EMC2: variants seen among roughly 807,000 people sequenced by gnomAD.
The protein encoded by EMC2 is TPR repeat protein 35.
A neutral mutation model predicts 51.6 loss-of-function variants in EMC2; 37 were observed. The ratio of observed to expected loss-of-function variants is 0.72; its 90% confidence interval spans 0.55 to 0.94. EMC2 has a LOEUF of 0.94. Ranked by LOEUF, EMC2 falls within the 40% of genes least tolerant of loss-of-function variation. EMC2 has a pLI of 0.00. For missense variants in EMC2, 359 were observed against 350.9 expected, an observed-to-expected ratio of 1.02 and a Z score of -0.18; for synonymous variants, 131 against 112.4, an observed-to-expected ratio of 1.17 and a Z score of -1.04.
chr8:108,486,531 A>G lies in EMC2; in HGVS notation c.827A>G (p.Lys276Arg). The G allele has an allele frequency of 4.4e-6, 7 of 1,591,436 alleles. No homozygotes were observed. Among genetic ancestry groups the G allele is most frequent in the Non-Finnish European group, 6.0e-6 (7 of 1,170,384 alleles). Residue 276 changes from lysine to arginine, a missense_variant, in exon 11 of 11, where the codon AAG (lysine) becomes AGG (arginine). Coordinates refer to ENST00000220853, the MANE Select transcript of EMC2 (RefSeq NM_014673.5). ...AATTAGTTTGCAGGTCGAAGTAAGA[A>G]GGAAACCAAATATTCTCTTAAGGCT... ...RAYQFAGRSK[K>R]ETKYSLKAVE...
chr8:108,446,525 A>G (rs1372389465), intron 1 of EMC2, among the ~76,000 whole-genome samples: 1 of 152,194 alleles, frequency 6.6e-6, no homozygotes, highest in Non-Finnish European at 1.5e-5. Flanking sequence ...AAAACAATCC[A>G]CAGGACTTAG....
At chr8:108,470,218 GA>G in intron 7 of EMC2, 97 bp downstream of exon 7, 1 of 737,840 alleles carries the variant, frequency 1.4e-6, no homozygotes, top group Non-Finnish European at 2.3e-6. Flanking sequence ...GAGAGGGTGT[GA>G]ATCATGTCAT....
intron 4 of EMC2, 35 bp downstream of exon 4, chr8:108,453,182 C>T (rs1252044602): frequency 3.9e-6 from 5 of 1,275,644 alleles, no homozygotes; most frequent in Admixed American, 2.2e-5. Flanking sequence ...GGCATGGAGC[C>T]TGTTAATCAT....
At chr8:108,486,419 A>G in intron 10 of EMC2, 93 bp from the exon 11 acceptor site, 3 of 1,390,576 alleles carry the variant, frequency 2.2e-6, no homozygotes, top group East Asian at 2.6e-5. Flanking sequence ...AAAATAGTCA[A>G]TGTTAAGTTT....
At chr8:108,449,985 C>T (rs370324986) in intron 2 of EMC2, 49 bp downstream of exon 2, 46 of 626,496 alleles carry the variant, frequency 7.3e-5, no homozygotes, top group Non-Finnish European at 1.0e-4. Flanking sequence ...CATTCATGGG[C>T]CTTTTTTTTT....
intron 2 of EMC2, among the ~76,000 whole-genome samples, 158 bp from the exon 3 acceptor site, chr8:108,450,268 CAT>C (rs1379842027): frequency 6.6e-6 from 1 of 152,094 alleles, no homozygotes; most frequent in Non-Finnish European, 1.5e-5. Context: ...ACTGCTGAAA[CAT>C]GTAAGAATGC....
intron 10 of EMC2, among the ~76,000 whole-genome samples, chr8:108,479,785 C>A (rs942984232): frequency 6.6e-6 from 1 of 152,046 alleles, no homozygotes; most frequent in East Asian, 1.9e-4. Context: ...TTAATATAGA[C>A]GAGATCTTGC....
intron 7 of EMC2, among the ~76,000 whole-genome samples, chr8:108,471,711 C>G (rs1810860216): frequency 6.6e-6 from 1 of 151,668 alleles, no homozygotes; most frequent in African/African-American, 2.4e-5. Context: ...AACGAGTTTC[C>G]TAGGGAGATA....
chr8:108,452,683 C>G (rs914688330), intron 3 of EMC2, among the ~76,000 whole-genome samples: 1 of 152,104 alleles, frequency 6.6e-6, no homozygotes, highest in African/African-American at 2.4e-5. Context: ...TAGTTCTTAC[C>G]AGGAGAATGC....
intron 5 of EMC2, among the ~76,000 whole-genome samples, chr8:108,461,033 G>C (rs767972463): frequency 1.5e-4 from 23 of 152,170 alleles, no homozygotes; most frequent in Non-Finnish European, 1.3e-4. Flanking sequence ...AAAAGACCTA[G>C]AACTAATAAA....
At chr8:108,463,756 TC>T (rs1819391985) in intron 5 of EMC2, among the ~76,000 whole-genome samples, 1 of 152,086 alleles carries the variant, frequency 6.6e-6, no homozygotes, top group South Asian at 2.1e-4. Flanking sequence ...TTAGAGCCAC[TC>T]TATCTTCAGA....
chr8:108,462,578 A>G (rs2130370062), intron 5 of EMC2, among the ~76,000 whole-genome samples: 1 of 152,228 alleles, frequency 6.6e-6, no homozygotes, highest in Non-Finnish European at 1.5e-5. Flanking sequence ...CTTTTTATTC[A>G]TCTGTACCCA....
At chr8:108,474,050 A>G (rs1400036074) in intron 7 of EMC2, 1 of 152,028 alleles carries the variant, frequency 6.6e-6, no homozygotes, top group Non-Finnish European at 1.5e-5. Context: ...CTCTAATTTT[A>G]TTTAATTCTA....
At chr8:108,472,064 T>A (rs1055808266) in intron 7 of EMC2, among the ~76,000 whole-genome samples, 1 of 152,046 alleles carries the variant, frequency 6.6e-6, no homozygotes, top group Non-Finnish European at 1.5e-5. Flanking sequence ...GTTATATGCT[T>A]TTTAAATACT....
intron 10 of EMC2, among the ~76,000 whole-genome samples, chr8:108,484,167 T>C (rs527427024): frequency 6.6e-6 from 1 of 152,246 alleles, no homozygotes; most frequent in South Asian, 2.1e-4. Flanking sequence ...TCCTTCTTTG[T>C]TGCACTGGTA....
chr8:108,456,903 C>T (rs751546240), intron 5 of EMC2, among the ~76,000 whole-genome samples: 1 of 152,008 alleles, frequency 6.6e-6, no homozygotes, highest in African/African-American at 2.4e-5. Context: ...AAACAAAAAC[C>T]AGGTTGAGTT....
At chr8:108,443,777 G>A (rs1818809193) in intron 1 of EMC2, 79 bp downstream of exon 1, 5 of 1,309,932 alleles carry the variant, frequency 3.8e-6, no homozygotes, top group Non-Finnish European at 5.4e-6. Context: ...CTTTCGGGGA[G>A]CTGGGTTCTC....
rs1381769340 is a variant in EMC2 at position 108,479,065 on chromosome 8, G to A, written c.762G>A (p.Met254Ile). 2 of 1,590,606 alleles carry A rather than the reference G, an allele frequency of 1.3e-6. No individual in the cohort carries two copies. Among genetic ancestry groups the A allele is most frequent in the East Asian group, 4.6e-5 (2 of 43,488 alleles). The change falls in exon 10 of 11, where the codon ATG becomes ATA. Residue 254 changes from methionine to isoleucine, a missense_variant. Met to Ile is a conservative substitution (Grantham distance 10). Transcript: ENST00000220853. ...KASAKTKKDN[M>I]KYASWAASQI... is the part of the protein sequence containing the mutation. Reference sequence around the variant, plus strand: ...GTGCAAAAACGAAAAAGGACAACATGAAATATGCTAGTTGGGCAGCTAGTC... The same window carrying A: ...GTGCAAAAACGAAAAAGGACAACATAAAATATGCTAGTTGGGCAGCTAGTC...
In EMC2 at chr8:108,449,811, T is replaced by C. The variant is rs577671021; in HGVS notation, c.41-12T>C. ...GTACATATACACTTAAATGTCATGT[T>C]ATTTTTTTCAGAAATGAGAGATAAA... On this transcript the variant is annotated splice_polypyrimidine_tract_variant and intron_variant, in intron 1 of 10. Transcript: ENST00000220853. 2 of 1,257,368 alleles carry C rather than the reference T, an allele frequency of 1.6e-6. No homozygotes were observed. Among genetic ancestry groups the C allele is most frequent in the East Asian group, 4.7e-5 (2 of 42,590 alleles). 77.9% of individuals were successfully genotyped at this position (1,257,368 alleles called of 1,614,324 possible). A position where few individuals can be genotyped will look rare whatever the true frequency, so the allele number is the denominator to read the frequency against.
Sources: gnomAD v4.1 joint callset for allele counts (sites outside exome capture counted in the v4.1 genomes callset) on GRCh38, gnomAD v4.1.1 for gene constraint, MANE v1.5 for transcripts, NCBI Gene and HGNC (gene_info 2026-07-23, HGNC 2026-07-21) for gene names.